Variants in PARD6B observed in about 807,000 individuals in gnomAD.
The protein encoded by PARD6B is par-6 family cell polarity regulator beta.
In PARD6B, 4 loss-of-function variants were observed where a neutral mutation model predicts 10.5. That is an observed-to-expected ratio of 0.38 (90% CI 0.19 to 0.87). PARD6B has a LOEUF of 0.87. PARD6B is among the 40% of genes least tolerant of loss of function. The probability of loss-of-function intolerance (pLI) is 0.41; values close to 1 mark genes in which losing one functional copy is unlikely to be tolerated. For missense variants in PARD6B, 396 were observed against 470.6 expected (o/e 0.84, Z 1.47); for synonymous variants, 169 against 170.4 (o/e 0.99, Z 0.07).
In PARD6B at chr20:50,749,726, A is replaced by G. The variant is rs2087589038; in HGVS notation, c.357A>G (p.Val119=). 1.9e-6 allele frequency: 3 copies of G among 1,613,904 alleles called. No individual in the cohort carries two copies. The highest frequency in any genetic ancestry group is 1.3e-5 in the African/African-American group (1 of 74,920). The part of the protein sequence containing the change: ...LIKKKNVLTN[V]LRPDNHRKKP... ...AGAAGAAGAATGTTTTAACCAACGTATTGCGTCCTGACAACCATAGAAAAA... is the reference window on the plus strand; with the variant it reads ...AGAAGAAGAATGTTTTAACCAACGTGTTGCGTCCTGACAACCATAGAAAAA... The change falls in exon 3 of 3, where the codon GTA becomes GTG. Residue 119 remains valine (V), a synonymous_variant. Coordinates refer to ENST00000371610, the MANE Select transcript of PARD6B (RefSeq NM_032521.3).
At chr20:50,741,835 C>T (rs377612026) in intron 2 of PARD6B, among the ~76,000 whole-genome samples, 140 of 152,178 alleles carry the variant, frequency 9.2e-4, no homozygotes, top group African/African-American at 3.1e-3. Context: ...CGTGAGCCAC[C>T]GCGCCCGGCC....
chr20:50,747,212 C>T (rs1003291523), intron 2 of PARD6B, among the ~76,000 whole-genome samples: 19 of 152,176 alleles, frequency 1.2e-4, no homozygotes, highest in Non-Finnish European at 2.2e-4. Context: ...ATACTAGCCT[C>T]GTAAGAAAAC....
intron 2 of PARD6B, among the ~76,000 whole-genome samples, chr20:50,749,330 G>A (rs1235263644): frequency 8.1e-6 from 1 of 123,756 alleles, no homozygotes; most frequent in Non-Finnish European, 1.7e-5. Context: ...TCGACAGAGC[G>A]AGACTCCATC....
Position 50,731,865 on chromosome 20 carries a change from C to A in PARD6B, c.66+13C>A. 2 of 1,431,924 alleles carry A rather than the reference C, an allele frequency of 1.4e-6. No homozygotes were observed. Among genetic ancestry groups the A allele is most frequent in the South Asian group, 1.4e-5 (1 of 70,300 alleles). 88.7% of individuals were successfully genotyped at this position (1,431,924 alleles called of 1,614,324 possible). On this transcript the variant is annotated intron_variant, in intron 1 of 2. Transcript: ENST00000371610. ...GGTGAAGAGCAAGGTGCGCGGGGCC[C>A]GGGCTGGGCGGAGCGGCGGGCCTGG...
In PARD6B at chr20:50,731,828, G is replaced by A. The variant is rs2087472670; in HGVS notation, c.42G>A (p.Leu14=). The A allele has an allele frequency of 2.1e-6, 3 of 1,463,344 alleles. No individual in the cohort carries two copies. Among genetic ancestry groups the A allele is most frequent in the Non-Finnish European group, 2.7e-6 (3 of 1,113,208 alleles). 90.6% of individuals were successfully genotyped at this position (1,463,344 alleles called of 1,614,324 possible). A position where few individuals can be genotyped will look rare whatever the true frequency, so the allele number is the denominator to read the frequency against. Residue 14 remains leucine, a synonymous_variant, in exon 1 of 3, where the codon CTG becomes CTA. Transcript: ENST00000371610. ...GGCACGGGGCGGGCAGCGGCTGCCT[G>A]GGCACTATGGAGGTGAAGAGCAAGG... ...SHRHGAGSGC[L]GTMEVKSKFG...
At chr20:50,732,157 A>G (rs1163758923) in intron 1 of PARD6B, among the ~76,000 whole-genome samples, 4 of 152,212 alleles carry the variant, frequency 2.6e-5, no homozygotes, top group Non-Finnish European at 5.9e-5. Flanking sequence ...AGGATGGCGC[A>G]CACTGAGTGA....
At chr20:50,734,812 C>T (rs1393559269) in intron 1 of PARD6B, among the ~76,000 whole-genome samples, 1 of 152,274 alleles carries the variant, frequency 6.6e-6, no homozygotes, top group African/African-American at 2.4e-5. Context: ...TTAGCCACCA[C>T]ACTGGGTTCC....
At chr20:50,748,201 G>C (rs2087579822) in intron 2 of PARD6B, among the ~76,000 whole-genome samples, 1 of 152,184 alleles carries the variant, frequency 6.6e-6, no homozygotes, top group Admixed American at 6.5e-5. Context: ...AAATTATCTG[G>C]GCATAGTGGC....
At chr20:50,741,693 C>T (rs2087531443) in intron 2 of PARD6B, among the ~76,000 whole-genome samples, 1 of 151,982 alleles carries the variant, frequency 6.6e-6, no homozygotes, top group Non-Finnish European at 1.5e-5. Flanking sequence ...AGGAGCCCGC[C>T]AACACACCCG....
chr20:50,743,643 T>C (rs991033389), intron 2 of PARD6B, among the ~76,000 whole-genome samples: 1 of 152,072 alleles, frequency 6.6e-6, no homozygotes, highest in African/African-American at 2.4e-5. Flanking sequence ...AATCCCAGCA[T>C]TTTTGGTGGC....
chr20:50,739,231 G>A (rs1405429633), intron 2 of PARD6B, among the ~76,000 whole-genome samples: 3 of 151,954 alleles, frequency 2.0e-5, no homozygotes, highest in Admixed American at 1.3e-4. Context: ...CGGATCATCT[G>A]AGGTCAGAAG....
chr20:50,752,204 T>C lies in PARD6B; in HGVS notation c.*1716T>C. The C allele has an allele frequency of 6.1e-6, 6 of 985,734 alleles. No homozygotes were observed. The highest frequency in any genetic ancestry group is 7.2e-6 in the Non-Finnish European group (6 of 829,820). The allele number at this position is 985,734 out of a possible 1,614,324, so 61.1% of individuals were successfully genotyped here. On this transcript the variant is annotated 3_prime_UTR_variant, in exon 3 of 3. Transcript: ENST00000371610. Reference sequence around the variant, plus strand: ...CCAGTCTCATTTGAAATCATTCCTTTTATTGTTAGTGTGTGTATTTTTGTT... The same window carrying C: ...CCAGTCTCATTTGAAATCATTCCTTCTATTGTTAGTGTGTGTATTTTTGTT...
chr20:50,752,619 A>G lies in PARD6B; in HGVS notation c.*2131A>G. On this transcript the variant is annotated 3_prime_UTR_variant, in exon 3 of 3. Transcript: ENST00000371610. The stretch of plus-strand genomic sequence containing the variant: ...CATAAGTTCCCTATGGCTTATGGAG[A>G]GTTATTTATTAATTAACTTTATGGT... 1.0e-6 allele frequency: 1 copy of G among 981,194 alleles called. No homozygotes were observed. The highest frequency in any genetic ancestry group is 1.2e-6 in the Non-Finnish European group (1 of 825,688). The allele number at this position is 981,194 out of a possible 1,614,324, so 60.8% of individuals were successfully genotyped here. A position where few individuals can be genotyped will look rare whatever the true frequency, so the allele number is the denominator to read the frequency against.
In PARD6B at chr20:50,751,126, C is replaced by A; in HGVS notation, c.*638C>A. 3.7e-6 allele frequency: 2 copies of A among 540,554 alleles called. No homozygotes were observed. The highest frequency in any genetic ancestry group is 4.7e-6 in the Non-Finnish European group (2 of 424,738). The allele number at this position is 540,554 out of a possible 1,614,324, so 33.5% of individuals were successfully genotyped here. On this transcript the variant is annotated 3_prime_UTR_variant, in exon 3 of 3. Transcript: ENST00000371610. ...CTGGGACCATAGGCACATACCACCA[C>A]ATCTGTCTACTTTTTGTATTTTTTG... is the stretch of plus-strand genomic sequence containing the variant.
chr20:50,749,993 A>G lies in PARD6B; in HGVS notation c.624A>G (p.Leu208=), dbSNP rs1225237864. ...VPGGLAQSTG[L]LAVNDEVLEV... ...GAGGTCTGGCTCAAAGTACAGGACTATTAGCTGTTAATGATGAAGTTTTAG... is the reference window on the plus strand; with the variant it reads ...GAGGTCTGGCTCAAAGTACAGGACTGTTAGCTGTTAATGATGAAGTTTTAG... The change falls in exon 3 of 3, where the codon CTA becomes CTG. Residue 208 remains leucine (L), a synonymous_variant. Coordinates refer to ENST00000371610, the MANE Select transcript of PARD6B (RefSeq NM_032521.3). The G allele has an allele frequency of 5.0e-6, 8 of 1,614,222 alleles. No homozygotes were observed. Among genetic ancestry groups the G allele is most frequent in the Non-Finnish European group, 3.4e-6 (4 of 1,180,038 alleles).
intron 2 of PARD6B, among the ~76,000 whole-genome samples, chr20:50,738,422 GAA>G (rs1434413165): frequency 2.6e-5 from 4 of 152,334 alleles, no homozygotes; most frequent in East Asian, 3.9e-4. Flanking sequence ...AGAAAAATGT[GAA>G]AAGAGTGTGA....
chr20:50,752,341 A>G lies in PARD6B; in HGVS notation c.*1853A>G. The G allele has an allele frequency of 1.0e-6, 1 of 985,856 alleles. No individual in the cohort carries two copies. Among genetic ancestry groups the G allele is most frequent in the Non-Finnish European group, 1.2e-6 (1 of 829,926 alleles). 61.1% of individuals were successfully genotyped at this position (985,856 alleles called of 1,614,324 possible). ...GTGCACTTTTTATGCCAAAAAAAAA[A>G]AAAATTGGGTTTTCCTTCATGGGAT... On this transcript the variant is annotated 3_prime_UTR_variant, in exon 3 of 3. Transcript: ENST00000371610.
intron 2 of PARD6B, among the ~76,000 whole-genome samples, chr20:50,744,392 G>A (rs1040145012): frequency 6.6e-6 from 1 of 152,022 alleles, no homozygotes; most frequent in East Asian, 1.9e-4. Flanking sequence ...GGGATTACAA[G>A]TGTGACCCAC....
At chr20:50,733,595 G>A (rs199544040) in intron 1 of PARD6B, among the ~76,000 whole-genome samples, 1 of 143,798 alleles carries the variant, frequency 7.0e-6, no homozygotes, top group Non-Finnish European at 1.6e-5. Flanking sequence ...TTGAGCTATA[G>A]CGTTAAGATG....
Sources: gnomAD v4.1 joint callset for allele counts (sites outside exome capture counted in the v4.1 genomes callset) on GRCh38, gnomAD v4.1.1 for gene constraint, MANE v1.5 for transcripts, NCBI Gene and HGNC (gene_info 2026-07-23, HGNC 2026-07-21) for gene names.